The following IQGAP2 variants were observed in gnomAD, a reference collection of about 807,000 sequenced individuals.
IQGAP2 encodes the protein ras GTPase-activating-like protein IQGAP2.
IQGAP2 carries 173 observed loss-of-function variants against 201.3 expected under a neutral mutation model. The observed-to-expected ratio is 0.86, with a 90% CI of 0.76 to 0.98. The LOEUF is 0.98. IQGAP2 is among the 50% of genes least tolerant of loss of function. IQGAP2 has a pLI of 0.00. For synonymous variants in IQGAP2, 675 were observed against 673.9 expected (o/e 1.00, Z -0.03); for missense variants, 1,687 against 1,864.8 (o/e 0.90, Z 1.76).
At chr5:76,448,878 G>A (rs1175396091) in intron 1 of IQGAP2, among the ~76,000 whole-genome samples, 2 of 152,292 alleles carry the variant, frequency 1.3e-5, no homozygotes, top group East Asian at 1.9e-4. Flanking sequence ...TGATTCTCTT[G>A]CAGGTATGTG....
intron 9 of IQGAP2, among the ~76,000 whole-genome samples, chr5:76,595,643 C>G (rs1746977172): frequency 6.6e-6 from 1 of 151,638 alleles, no homozygotes; most frequent in African/African-American, 2.4e-5. Flanking sequence ...CAACTGTAGC[C>G]CCAGATACTG....
intron 1 of IQGAP2, among the ~76,000 whole-genome samples, chr5:76,447,301 C>A (rs1328096954): frequency 6.6e-6 from 1 of 152,066 alleles, no homozygotes; most frequent in African/African-American, 2.4e-5. Context: ...ACTAAAATTC[C>A]AATTAGGCAA....
At chr5:76,650,911 A>T (rs911466696) in intron 17 of IQGAP2, among the ~76,000 whole-genome samples, 3 of 152,152 alleles carry the variant, frequency 2.0e-5, no homozygotes, top group South Asian at 4.1e-4. Context: ...TGACAAAAAT[A>T]CTTATATATG....
At chr5:76,483,595 G>A (rs540824821) in intron 2 of IQGAP2, among the ~76,000 whole-genome samples, 2 of 152,320 alleles carry the variant, frequency 1.3e-5, no homozygotes, top group African/African-American at 4.8e-5. Context: ...TAGACTGGGT[G>A]TTTTCGAGTC....
intron 32 of IQGAP2, among the ~76,000 whole-genome samples, chr5:76,696,952 A>T (rs538163667): frequency 1.3e-5 from 2 of 152,316 alleles, no homozygotes; most frequent in South Asian, 4.1e-4. Context: ...ATGTGTATGT[A>T]GGTATTTCTT....
rs1377034132 is a variant in IQGAP2, at chr5:76,698,167, TG to T, written c.4367+21del. 5.9e-6 allele frequency: 9 copies of T among 1,529,792 alleles called. No individual in the cohort carries two copies. The highest frequency in any genetic ancestry group is 8.1e-6 in the Non-Finnish European group (9 of 1,111,814). The allele number at this position is 1,529,792 out of a possible 1,614,324, so 94.8% of individuals were successfully genotyped here. On this transcript the variant is annotated intron_variant, in intron 33 of 35. Transcript: ENST00000274364. ...AAGAAAGTAAGTTAAAATCATGTCATGTTCATTTGTAATGTCATGATTTCTA... is the reference window on the plus strand; with the variant it reads ...AAGAAAGTAAGTTAAAATCATGTCATTTCATTTGTAATGTCATGATTTCTA...
chr5:76,628,740 AG>A (rs1210283987), intron 14 of IQGAP2: 1 of 456,142 alleles, frequency 2.2e-6, no homozygotes, highest in East Asian at 6.9e-5. Context: ...TTATCTCCTT[AG>A]CTTAGAAAAA....
intron 2 of IQGAP2, among the ~76,000 whole-genome samples, chr5:76,490,567 C>A (rs1283678433): frequency 3.3e-5 from 5 of 152,132 alleles, no homozygotes; most frequent in Non-Finnish European, 7.4e-5. Flanking sequence ...ATGAAAGATT[C>A]AACAATAACT....
At chr5:76,506,192 C>T (rs574563119) in intron 2 of IQGAP2, among the ~76,000 whole-genome samples, 8 of 152,280 alleles carry the variant, frequency 5.3e-5, no homozygotes, top group South Asian at 4.2e-4. Flanking sequence ...TTGATCCATT[C>T]GTAGGTCAAA....
chr5:76,649,241 T>G (rs2432186), intron 17 of IQGAP2, among the ~76,000 whole-genome samples: 76,533 of 152,018 alleles, frequency 0.5, 19,704 homozygotes, highest in Non-Finnish European at 0.56. Flanking sequence ...TTCGGGGGAA[T>G]CAAAGGCTGA....
At chr5:76,630,403 G>GC (rs1476193459) in intron 14 of IQGAP2, among the ~76,000 whole-genome samples, 1 of 152,144 alleles carries the variant, frequency 6.6e-6, no homozygotes, top group Non-Finnish European at 1.5e-5. Context: ...AAAATAAGGA[G>GC]CAATAGCAGC....
At chr5:76,624,529 A>C (rs1246677032) in intron 13 of IQGAP2, 1 of 152,218 alleles carries the variant, frequency 6.6e-6, no homozygotes, top group Non-Finnish European at 1.5e-5. Flanking sequence ...GGTTATACAA[A>C]CTGAGATAGA....
chr5:76,603,957 C>T (rs1392741316), intron 11 of IQGAP2, among the ~76,000 whole-genome samples: 1 of 152,168 alleles, frequency 6.6e-6, no homozygotes, highest in East Asian at 1.9e-4. Flanking sequence ...CTGTGGAGTT[C>T]TCTTGTGTTA....
intron 2 of IQGAP2, among the ~76,000 whole-genome samples, chr5:76,509,625 A>G (rs2150180065): frequency 6.6e-6 from 1 of 151,928 alleles, no homozygotes; most frequent in South Asian, 2.1e-4. Context: ...CAATCTCTTG[A>G]CCTCGTGATC....
chr5:76,674,908 C>A (rs1047791474), intron 27 of IQGAP2, among the ~76,000 whole-genome samples, 199 bp downstream of exon 27: 1 of 152,140 alleles, frequency 6.6e-6, no homozygotes, highest in African/African-American at 2.4e-5. Flanking sequence ...CTATCGCACC[C>A]CCACCACAGC....
At chr5:76,439,769 A>C (rs1315266997) in intron 1 of IQGAP2, among the ~76,000 whole-genome samples, 4 of 152,180 alleles carry the variant, frequency 2.6e-5, no homozygotes, top group Non-Finnish European at 5.9e-5. Flanking sequence ...TTTTGAAGAA[A>C]GCAGATATTT....
chr5:76,602,044 T>A (rs1747462893), intron 11 of IQGAP2, among the ~76,000 whole-genome samples: 1 of 152,134 alleles, frequency 6.6e-6, no homozygotes, highest in Non-Finnish European at 1.5e-5. Context: ...CCAATTTGAG[T>A]TTCCCTCTGC....
chr5:76,420,669 C>T (rs1379639253), intron 1 of IQGAP2, among the ~76,000 whole-genome samples: 1 of 152,206 alleles, frequency 6.6e-6, no homozygotes, highest in African/African-American at 2.4e-5. Context: ...GCCACCGTGC[C>T]CAGCCTCTGG....
chr5:76,531,185 TGGA>T (rs1759268057), intron 2 of IQGAP2, among the ~76,000 whole-genome samples: 1 of 152,206 alleles, frequency 6.6e-6, no homozygotes, highest in South Asian at 2.1e-4. Context: ...CTGCATCCTC[TGGA>T]GGAGAACACC....
Sources: gnomAD v4.1 joint callset for allele counts (sites outside exome capture counted in the v4.1 genomes callset) on GRCh38, gnomAD v4.1.1 for gene constraint, MANE v1.5 for transcripts, NCBI Gene and HGNC (gene_info 2026-07-23, HGNC 2026-07-21) for gene names.